The following SGK1 variants were observed in gnomAD, a reference collection of about 807,000 sequenced individuals.
SGK1 encodes serine/threonine-protein kinase Sgk1.
Under a neutral mutation model 64.2 loss-of-function variants are expected in SGK1, and 26 were observed. The ratio of observed to expected loss-of-function variants is 0.40; its 90% CI spans 0.30 to 0.56. SGK1 has a LOEUF of 0.56. Among genes scored for constraint, SGK1 ranks in the 20% least tolerant of loss-of-function variants. The pLI, the probability that SGK1 is intolerant of heterozygous loss-of-function variation, is 0.38. For missense variants in SGK1, 519 were observed against 645.6 expected (o/e 0.80, Z 2.12); for synonymous variants, 265 against 239.7 (o/e 1.11, Z -0.98).
chr6:134,256,032 A>G (rs1289577862), intron 2 of SGK1, among the ~76,000 whole-genome samples: 1 of 145,702 alleles, frequency 6.9e-6, no homozygotes, highest in Non-Finnish European at 1.5e-5. Flanking sequence ...TGAATGTTTT[A>G]TCTTCTTGGT....
chr6:134,311,390 C>A (rs1777606288), intron 1 of SGK1, among the ~76,000 whole-genome samples: 1 of 152,112 alleles, frequency 6.6e-6, no homozygotes, highest in Non-Finnish European at 1.5e-5. Context: ...TGCTTGTAAT[C>A]CCAGCACTTT....
chr6:134,204,234 A>C (rs992221050), intron 3 of SGK1, among the ~76,000 whole-genome samples: 1 of 145,550 alleles, frequency 6.9e-6, no homozygotes, highest in African/African-American at 2.5e-5. Flanking sequence ...ATAAATAAAT[A>C]AATAAATAAA....
chr6:134,210,525 G>A (rs1318407433), intron 2 of SGK1, among the ~76,000 whole-genome samples: 1 of 152,000 alleles, frequency 6.6e-6, no homozygotes, highest in African/African-American at 2.4e-5. Context: ...ACTATATTGT[G>A]CACTTGAAAA....
At chr6:134,264,389 T>G (rs11756761) in intron 1 of SGK1, among the ~76,000 whole-genome samples, 10,422 of 152,072 alleles carry the variant, frequency 0.069, 397 homozygotes, top group Middle Eastern at 0.1. Context: ...ATAGTGCTGG[T>G]ATTACAGGCT....
At chr6:134,241,855 C>T (rs373257526) in intron 2 of SGK1, among the ~76,000 whole-genome samples, 14 of 149,996 alleles carry the variant, frequency 9.3e-5, no homozygotes, top group Non-Finnish European at 1.9e-4. Flanking sequence ...CTCCTGACCT[C>T]GTGATCCGCC....
intron 1 of SGK1, among the ~76,000 whole-genome samples, chr6:134,295,614 G>C (rs371919737): frequency 6.6e-6 from 1 of 151,928 alleles, no homozygotes; most frequent in South Asian, 2.1e-4. Context: ...GAGGCAGGAG[G>C]ATCGCTTGAA....
intron 2 of SGK1, among the ~76,000 whole-genome samples, chr6:134,253,143 G>A (rs918880983): frequency 1.3e-5 from 2 of 152,186 alleles, no homozygotes; most frequent in African/African-American, 2.4e-5. Flanking sequence ...ACCTTCTTGA[G>A]CCTAACAGAT....
At chr6:134,199,288 G>A (rs1250386871) in intron 3 of SGK1, among the ~76,000 whole-genome samples, 1 of 152,166 alleles carries the variant, frequency 6.6e-6, no homozygotes, top group Non-Finnish European at 1.5e-5. Context: ...GCCCGGCATG[G>A]TGGCTCACGC....
At chr6:134,280,368 G>T (rs889132765) in intron 1 of SGK1, among the ~76,000 whole-genome samples, 1 of 152,086 alleles carries the variant, frequency 6.6e-6, no homozygotes. Context: ...CTAAGTATTT[G>T]TTGAATAAAT....
chr6:134,234,750 C>T (rs993894013), intron 2 of SGK1, among the ~76,000 whole-genome samples: 18 of 152,114 alleles, frequency 1.2e-4, no homozygotes, highest in Admixed American at 1.0e-3. Flanking sequence ...GTGATGCATG[C>T]CTGTAATCCC....
chr6:134,279,263 C>T (rs1777059659), intron 1 of SGK1, among the ~76,000 whole-genome samples: 1 of 152,020 alleles, frequency 6.6e-6, no homozygotes. Context: ...GAAACCCCGT[C>T]TTTATTAAAA....
intron 2 of SGK1, among the ~76,000 whole-genome samples, chr6:134,224,129 T>A: frequency 6.6e-6 from 1 of 152,234 alleles, no homozygotes; most frequent in East Asian, 1.9e-4. Flanking sequence ...GAAATGCATT[T>A]TTCTGCATAA....
chr6:134,274,360 G>C (rs1416033794), intron 1 of SGK1, among the ~76,000 whole-genome samples: 1 of 152,116 alleles, frequency 6.6e-6, no homozygotes, highest in Admixed American at 6.6e-5. Flanking sequence ...CAAGATCAAA[G>C]GAGCTAGATG....
At chr6:134,215,098 A>T in intron 2 of SGK1, 1 of 455,002 alleles carries the variant, frequency 2.2e-6, no homozygotes, top group Non-Finnish European at 4.4e-6. Flanking sequence ...GAGAATCTGG[A>T]AAATAAACAT....
chr6:134,275,255 C>T (rs555609377), intron 1 of SGK1, among the ~76,000 whole-genome samples: 1 of 152,008 alleles, frequency 6.6e-6, no homozygotes, highest in South Asian at 2.1e-4. Flanking sequence ...CTATGTTGCC[C>T]ACACTGGTCT....
At chr6:134,177,926 G>T in intron 3 of SGK1, 2 of 1,221,644 alleles carry the variant, frequency 1.6e-6, no homozygotes, top group Non-Finnish European at 2.3e-6. Context: ...GTTCAACACT[G>T]GGCCATTTAT....
intron 3 of SGK1, among the ~76,000 whole-genome samples, chr6:134,194,525 T>C (rs957890989): frequency 6.6e-6 from 1 of 151,386 alleles, no homozygotes; most frequent in Non-Finnish European, 1.5e-5. Context: ...TTTTTCTTTT[T>C]TTTTTTTTTT....
chr6:134,196,831 T>A (rs1443061933), intron 3 of SGK1, among the ~76,000 whole-genome samples: 4 of 152,248 alleles, frequency 2.6e-5, no homozygotes, highest in Non-Finnish European at 5.9e-5. Flanking sequence ...TCAAAAAGAC[T>A]TTCAGAATGA....
rs145613669 is a variant in SGK1, at chr6:134,227,877, T to C, written c.286-20446A>G. On this transcript the variant is annotated intron_variant, in intron 2 of 13. Coordinates refer to ENST00000367858, the MANE Select transcript of SGK1 (RefSeq NM_001143676.3). ...AAAATTATACTTTAAATATATTTCT[T>C]TTAACTCTAGTATTTATTACTGCCT... 3.9e-5 allele frequency among the ~76,000 whole-genome samples: 6 copies of C among 152,144 alleles called. No individual in the cohort carries two copies. The East Asian group carries it at 1.2e-3, about 29-fold the overall frequency.
Sources: gnomAD v4.1 joint callset for allele counts (sites outside exome capture counted in the v4.1 genomes callset) on GRCh38, gnomAD v4.1.1 for gene constraint, MANE v1.5 for transcripts, NCBI Gene and HGNC (gene_info 2026-07-23, HGNC 2026-07-21) for gene names.